Variants in KIAA0586 observed in about 807,000 individuals in gnomAD.
KIAA0586 encodes the protein protein TALPID3.
A neutral mutation model predicts 169.8 loss-of-function variants in KIAA0586; 144 were observed. That is an observed-to-expected ratio of 0.85 (90% confidence interval 0.74 to 0.97). The LOEUF is 0.97. Ranked by LOEUF, KIAA0586 falls within the 50% of genes least tolerant of loss-of-function variation. The pLI is 0.00. For synonymous variants in KIAA0586, 625 were observed against 612.4 expected, an observed-to-expected ratio of 1.02 and a Z score of -0.30; for missense variants, 1,854 against 1,823.0, an observed-to-expected ratio of 1.02 and a Z score of -0.31.
intron 29 of KIAA0586, chr14:58,520,968 CT>C (rs1205757004): frequency 4.5e-6 from 1 of 220,596 alleles, no homozygotes; most frequent in East Asian, 1.1e-4. Context: ...ATAGAAAGTG[CT>C]GTGGCCCTAG....
At position 58,429,347 on chromosome 14, in the gene KIAA0586, TC is replaced by T; in HGVS notation, c.200-14del. ...TGATTTTAAAATCACTAAAATCTATTCCTTTGTTTTGTTAGGTTCATCAGAC... is the reference window on the plus strand; with the variant it reads ...TGATTTTAAAATCACTAAAATCTATTCTTTGTTTTGTTAGGTTCATCAGAC... On this transcript the variant is annotated splice_polypyrimidine_tract_variant and intron_variant, in intron 1 of 30. Coordinates refer to ENST00000652326, the MANE Select transcript of KIAA0586 (RefSeq NM_001329943.3). 6.7e-7 allele frequency: 1 copy of T among 1,490,464 alleles called. No individual in the cohort carries two copies. Among genetic ancestry groups the T allele is most frequent in the Non-Finnish European group, 9.4e-7 (1 of 1,068,010 alleles). The allele number at this position is 1,490,464 out of a possible 1,614,324, so 92.3% of individuals were successfully genotyped here.
Position 58,550,003 on chromosome 14 carries a change from C to CT in KIAA0586, c.*2085dup, listed in dbSNP as rs1370252714. ...AAAATTAGTGTCCATTCGACGGTTT[C>CT]TTTTTTTTTTTTTTGAGATGGAATT... On this transcript the variant is annotated 3_prime_UTR_variant, in exon 31 of 31. Coordinates refer to ENST00000652326, the MANE Select transcript of KIAA0586 (RefSeq NM_001329943.3). 0.018 allele frequency: 2,519 copies of CT among 141,564 alleles called. 68 individuals carry two copies. Among genetic ancestry groups the CT allele is most frequent in the African/African-American group, 0.057 (2,207 of 39,046 alleles). 8.8% of individuals were successfully genotyped at this position (141,564 alleles called of 1,614,324 possible).
At chr14:58,432,276 A>G in intron 3 of KIAA0586, 112 bp from the exon 4 acceptor site, 6 of 641,512 alleles carry the variant, frequency 9.4e-6, no homozygotes, top group East Asian at 9.0e-5. Context: ...GTGGAATGCT[A>G]TGGCTGAGTT....
intron 29 of KIAA0586, among the ~76,000 whole-genome samples, chr14:58,513,343 C>T (rs777775754): frequency 1.1e-4 from 16 of 151,838 alleles, no homozygotes; most frequent in South Asian, 4.1e-4. Flanking sequence ...TTCTTTTTTG[C>T]TTTTATAACT....
chr14:58,516,074 A>G (rs1303063192), intron 29 of KIAA0586, among the ~76,000 whole-genome samples: 1 of 152,130 alleles, frequency 6.6e-6, no homozygotes, highest in Non-Finnish European at 1.5e-5. Flanking sequence ...GGCACCAATC[A>G]AGCAGATAAG....
intron 27 of KIAA0586, among the ~76,000 whole-genome samples, chr14:58,504,709 A>C (rs2043810090): frequency 6.6e-6 from 1 of 152,202 alleles, no homozygotes. Flanking sequence ...AACTTGCATT[A>C]TACAGGTAAG....
At chr14:58,512,445 C>A in intron 28 of KIAA0586, 77 bp from the exon 29 acceptor site, 2 of 763,610 alleles carry the variant, frequency 2.6e-6, no homozygotes, top group Non-Finnish European at 2.0e-6. Context: ...TTTATAAACA[C>A]TTGAATAATT....
At chr14:58,435,418 A>G (rs1009353921) in intron 4 of KIAA0586, among the ~76,000 whole-genome samples, 1 of 152,234 alleles carries the variant, frequency 6.6e-6, no homozygotes, top group African/African-American at 2.4e-5. Context: ...TGATCAGATC[A>G]TGGTAATTAG....
At chr14:58,443,860 T>C (rs928356412) in intron 5 of KIAA0586, 94 bp from the exon 6 acceptor site, 1 of 742,380 alleles carries the variant, frequency 1.3e-6, no homozygotes, top group African/African-American at 1.8e-5. Context: ...AGATCACTTA[T>C]CAATGCCAAT....
chr14:58,542,143 T>C (rs1318420622), intron 30 of KIAA0586, among the ~76,000 whole-genome samples: 1 of 152,126 alleles, frequency 6.6e-6, no homozygotes, highest in Admixed American at 6.5e-5. Context: ...TCTTACAAAG[T>C]TCTAAAACTG....
At chr14:58,447,856 T>C (rs1227578618) in intron 6 of KIAA0586, among the ~76,000 whole-genome samples, 1 of 152,200 alleles carries the variant, frequency 6.6e-6, no homozygotes, top group African/African-American at 2.4e-5. Context: ...CAAATGCATA[T>C]ATTATTGCTG....
At chr14:58,452,830 T>A (rs1230930297) in intron 8 of KIAA0586, among the ~76,000 whole-genome samples, 1 of 151,832 alleles carries the variant, frequency 6.6e-6, no homozygotes, top group Non-Finnish European at 1.5e-5. Flanking sequence ...TGCGCCTGGT[T>A]GTGGTATAGT....
At chr14:58,443,869 A>G (rs2038625917) in intron 5 of KIAA0586, 85 bp from the exon 6 acceptor site, 1 of 813,698 alleles carries the variant, frequency 1.2e-6, no homozygotes, top group East Asian at 2.7e-5. Flanking sequence ...ATCAATGCCA[A>G]TTGATTTAAA....
chr14:58,458,365 A>G, intron 11 of KIAA0586, 108 bp from the exon 12 acceptor site: 1 of 642,686 alleles, frequency 1.6e-6, no homozygotes, highest in Non-Finnish European at 2.7e-6. Flanking sequence ...TTTCAGATGA[A>G]AGATATTAGG....
chr14:58,520,510 TTTGTTGTTGTTG>T (rs56230772), intron 29 of KIAA0586, among the ~76,000 whole-genome samples: 23 of 150,506 alleles, frequency 1.5e-4, no homozygotes, highest in Non-Finnish European at 2.5e-4. Flanking sequence ...TTTTTGGGGT[TTTGTTGTTGTTG>T]TTGTTGTTGT....
chr14:58,493,537 CTA>C (rs1485514456), intron 26 of KIAA0586, among the ~76,000 whole-genome samples: 1 of 151,950 alleles, frequency 6.6e-6, no homozygotes, highest in East Asian at 1.9e-4. Flanking sequence ...GATCTGAAGA[CTA>C]TATAGGGCCC....
intron 4 of KIAA0586, among the ~76,000 whole-genome samples, 164 bp from the exon 5 acceptor site, chr14:58,442,542 G>T (rs2038485690): frequency 6.6e-6 from 1 of 151,922 alleles, no homozygotes; most frequent in African/African-American, 2.4e-5. Flanking sequence ...AGCCCTTAGT[G>T]ACCTGGACCT....
chr14:58,451,383 C>A (rs1422354657), intron 8 of KIAA0586, among the ~76,000 whole-genome samples: 1 of 151,948 alleles, frequency 6.6e-6, no homozygotes, highest in Non-Finnish European at 1.5e-5. Flanking sequence ...CACGCCACCA[C>A]ACCAGGCTAA....
intron 21 of KIAA0586, 136 bp from the exon 22 acceptor site, chr14:58,486,869 TAG>T (rs1466866003): frequency 1.8e-6 from 1 of 558,972 alleles, no homozygotes; most frequent in Non-Finnish European, 2.9e-6. Flanking sequence ...GACTAACAGG[TAG>T]AGGTTCAAGA....
Sources: allele counts gnomAD v4.1 joint callset (sites outside exome capture counted in the v4.1 genomes callset), GRCh38; gene constraint gnomAD v4.1.1; transcripts MANE v1.5; gene names NCBI Gene and HGNC (gene_info 2026-07-23, HGNC 2026-07-21).